Variants in PCDHA4 observed in about 807,000 individuals in gnomAD.
The protein encoded by PCDHA4 is protocadherin alpha 4.
In PCDHA4, 49 loss-of-function variants were observed where a neutral mutation model predicts 61.4. The observed-to-expected ratio is 0.80, with a 90% CI of 0.63 to 1.01. The LOEUF (loss-of-function observed/expected upper bound fraction) is 1.01. Ranked by LOEUF, PCDHA4 falls within the 50% of genes least tolerant of loss-of-function variation. The pLI is 0.00. For synonymous variants in PCDHA4, 590 were observed against 550.3 expected (o/e 1.07, Z -1.01); for missense variants, 1,254 against 1,235.8 (o/e 1.01, Z -0.22).
At chr5:140,979,109 G>A (rs979649515) in intron 2 of PCDHA4, 102 bp downstream of exon 2, 1 of 1,524,682 alleles carries the variant, frequency 6.6e-7, no homozygotes, top group Admixed American at 2.3e-5. Context: ...AAACTAAAAA[G>A]CTTTAGGTAC....
intron 2 of PCDHA4, chr5:140,982,257 G>A: frequency 1.2e-6 from 1 of 804,182 alleles, no homozygotes; most frequent in Admixed American, 3.3e-5. Context: ...TAGAACATGT[G>A]TGTTCCTGGA....
chr5:140,823,251 G>A (rs2150123936), intron 1 of PCDHA4: 34 of 1,613,318 alleles, frequency 2.1e-5, no homozygotes, highest in Non-Finnish European at 2.5e-5. Flanking sequence ...TGTCCTACTC[G>A]CTGGTGGAGC....
Position 140,835,816 on chromosome 5 carries a change from C to T in PCDHA4, c.2385+26244C>T, listed in dbSNP as rs1554135300. 2.5e-6 allele frequency: 4 copies of T among 1,612,612 alleles called. No homozygotes were observed. The highest frequency in any genetic ancestry group is 2.2e-5 in the East Asian group (1 of 44,834). ...CCGGGCTGCCACATCTTCACTGTGT[C>T]GGCGGGGGACGCGGACGCGCAGAAG... is the stretch of plus-strand genomic sequence containing the variant. On this transcript the variant is annotated intron_variant, in intron 1 of 3. Coordinates refer to ENST00000530339, the MANE Select transcript of PCDHA4 (RefSeq NM_018907.4).
At chr5:140,821,429 A>G (rs1562259189) in intron 1 of PCDHA4, 1 of 191,712 alleles carries the variant, frequency 5.2e-6, no homozygotes, top group African/African-American at 2.4e-5. Context: ...ATATATTTTG[A>G]CTAGAGATAA....
chr5:140,870,200 C>G lies in PCDHA4; in HGVS notation c.2385+60628C>G, dbSNP rs377755323. Reference sequence around the variant, plus strand: ...GTACGAGAGGACGCTCAGCCCAGCACGGTCATTGCCCTGATCAGCGTGTCT... The same window carrying G: ...GTACGAGAGGACGCTCAGCCCAGCAGGGTCATTGCCCTGATCAGCGTGTCT... On this transcript the variant is annotated intron_variant, in intron 1 of 3. Transcript: ENST00000530339. 7 of 1,614,056 alleles carry G rather than the reference C, an allele frequency of 4.3e-6. No homozygotes were observed. The African/African-American group carries it at 9.3e-5, about 22-fold the overall frequency.
chr5:140,855,986 G>A (rs191873949), intron 1 of PCDHA4: 1 of 1,477,690 alleles, frequency 6.8e-7, no homozygotes, highest in Non-Finnish European at 9.1e-7. Context: ...GACAGAAAAT[G>A]TCAGATCGTA....
At chr5:140,927,403 C>T (rs1276847771) in intron 1 of PCDHA4, 1 of 1,614,146 alleles carries the variant, frequency 6.2e-7, no homozygotes, top group Non-Finnish European at 8.5e-7. Context: ...GCACTTTCGC[C>T]TGGACATGGG....
intron 1 of PCDHA4, among the ~76,000 whole-genome samples, chr5:140,964,575 G>A (rs2153740589): frequency 6.6e-6 from 1 of 152,212 alleles, no homozygotes; most frequent in East Asian, 1.9e-4. Flanking sequence ...GGAGATAAGG[G>A]GAGGAAAGAT....
intron 1 of PCDHA4, chr5:140,878,010 A>G: frequency 2.4e-6 from 2 of 839,980 alleles, no homozygotes; most frequent in Non-Finnish European, 3.4e-6. Flanking sequence ...GTCTAACATT[A>G]ATGAAGGAAA....
chr5:140,822,764 C>T, intron 1 of PCDHA4: 1 of 1,613,898 alleles, frequency 6.2e-7, no homozygotes, highest in Admixed American at 1.7e-5. Context: ...TTCCCATTAT[C>T]AGGACACTGT....
rs370640529 is a variant in PCDHA4, at chr5:140,968,552, C to G, written c.2386-10397C>G. 5 of 1,614,184 alleles carry G rather than the reference C, an allele frequency of 3.1e-6. No homozygotes were observed. The East Asian group carries it at 1.1e-4, about 36-fold the overall frequency. ...GTCAGCAGCCTTCGAGATGGTGCCT[C>G]GAACTGCCCCTGCTGGCTACCTGGT... On this transcript the variant is annotated intron_variant, in intron 1 of 3. Coordinates refer to ENST00000530339, the MANE Select transcript of PCDHA4 (RefSeq NM_018907.4).
intron 1 of PCDHA4, among the ~76,000 whole-genome samples, chr5:140,957,854 T>C (rs2095390646): frequency 6.6e-6 from 1 of 151,872 alleles, no homozygotes; most frequent in Non-Finnish European, 1.5e-5. Context: ...GTTTGTGTAT[T>C]TTTTTTCCTA....
Position 140,819,137 on chromosome 5 carries a change from T to A in PCDHA4, c.2385+9565T>A, listed in dbSNP as rs193224089. On this transcript the variant is annotated intron_variant, in intron 1 of 3. Coordinates refer to ENST00000530339, the MANE Select transcript of PCDHA4 (RefSeq NM_018907.4). The stretch of plus-strand genomic sequence containing the variant: ...CTTTCTTACTATCCTTATAATAGAA[T>A]AAATTAATTTTTATACAGAATTAAT... Among the ~76,000 whole-genome samples the A allele has an allele frequency of 3.0e-3, 455 of 152,322 alleles. 4 individuals carry two copies. The highest frequency in any genetic ancestry group is 0.014 in the Middle Eastern group (4 of 294).
At chr5:140,918,816 A>C (rs1178287306) in intron 1 of PCDHA4, among the ~76,000 whole-genome samples, 1 of 62,452 alleles carries the variant, frequency 1.6e-5, no homozygotes, top group Admixed American at 1.3e-4. Context: ...ATGAACCAAA[A>C]AGTGGCCCCC....
Position 140,808,072 on chromosome 5 carries a change from A to G in PCDHA4, c.885A>G (p.Ile295Met). ...ISPNVKSKFHIDPITGQIIVK... is the reference protein window; with the variant it reads ...ISPNVKSKFHMDPITGQIIVK... Reference sequence around the variant, plus strand: ...CAAATGTGAAATCCAAGTTTCACATAGATCCAATTACTGGACAAATTATTG... The same window carrying G: ...CAAATGTGAAATCCAAGTTTCACATGGATCCAATTACTGGACAAATTATTG... The change falls in exon 1 of 4, where the codon ATA (isoleucine) becomes ATG (methionine). Residue 295 changes from isoleucine to methionine, a missense_variant. Transcript: ENST00000530339. The G allele has an allele frequency of 6.2e-7, 1 of 1,613,954 alleles. No homozygotes were observed. The highest frequency in any genetic ancestry group is 8.5e-7 in the Non-Finnish European group (1 of 1,179,830).
intron 1 of PCDHA4, among the ~76,000 whole-genome samples, chr5:140,942,479 A>G (rs1341688235): frequency 6.6e-6 from 1 of 152,154 alleles, no homozygotes; most frequent in East Asian, 1.9e-4. Flanking sequence ...TTCAAGCTAC[A>G]ACTGAAATAA....
chr5:140,913,448 G>A (rs185287281), intron 1 of PCDHA4, among the ~76,000 whole-genome samples: 8 of 152,012 alleles, frequency 5.3e-5, no homozygotes, highest in African/African-American at 1.2e-4. Flanking sequence ...TTTCAGCTCC[G>A]ATTTTATTTA....
intron 1 of PCDHA4, chr5:140,842,584 T>A: frequency 6.6e-7 from 1 of 1,519,626 alleles, no homozygotes; most frequent in Non-Finnish European, 8.9e-7. Flanking sequence ...TGTCGGCCTA[T>A]GAGTTGGTGG....
chr5:140,905,120 G>T (rs1191513318), intron 1 of PCDHA4, among the ~76,000 whole-genome samples: 3 of 152,214 alleles, frequency 2.0e-5, no homozygotes, highest in African/African-American at 7.2e-5. Flanking sequence ...CTAAGCCAAT[G>T]TCTAGAAGAG....
Sources: allele counts gnomAD v4.1 joint callset (sites outside exome capture counted in the v4.1 genomes callset), GRCh38; gene constraint gnomAD v4.1.1; transcripts MANE v1.5; gene names NCBI Gene and HGNC (gene_info 2026-07-23, HGNC 2026-07-21).